The following CADM2 variants were observed in gnomAD, a reference collection of about 807,000 sequenced individuals.
The protein encoded by CADM2 is cell adhesion molecule 2, also known as immunoglobulin superfamily member 4D.
In CADM2, 12 loss-of-function variants were observed where a neutral mutation model predicts 49.8. The observed-to-expected ratio is 0.24, with a 90% CI of 0.15 to 0.39. The LOEUF is 0.39. Ranked by LOEUF, CADM2 falls within the 10% of genes least tolerant of loss-of-function variation. CADM2 has a pLI of 1.00. For synonymous variants in CADM2, 214 were observed against 175.4 expected (o/e 1.22, Z -1.74); for missense variants, 378 against 492.3 (o/e 0.77, Z 2.20).
chr3:85,716,814 G>C (rs530413560), intron 1 of CADM2, among the ~76,000 whole-genome samples: 1 of 152,192 alleles, frequency 6.6e-6, no homozygotes, highest in East Asian at 1.9e-4. Context: ...ATAGATGCAT[G>C]GTGCAATTTC....
At chr3:85,270,897 TC>T (rs1416220710) in intron 1 of CADM2, among the ~76,000 whole-genome samples, 5 of 151,460 alleles carry the variant, frequency 3.3e-5, no homozygotes, top group African/African-American at 9.7e-5. Context: ...GCATATTTCT[TC>T]AATGAGTATA....
chr3:85,889,859 AG>A (rs1714185210), intron 5 of CADM2, among the ~76,000 whole-genome samples: 2 of 152,174 alleles, frequency 1.3e-5, no homozygotes, highest in African/African-American at 4.8e-5. Context: ...AAGACATAAC[AG>A]GCACAGGTAT....
intron 1 of CADM2, among the ~76,000 whole-genome samples, chr3:85,355,071 A>G (rs534217911): frequency 6.6e-6 from 1 of 152,156 alleles, no homozygotes; most frequent in East Asian, 1.9e-4. Flanking sequence ...AAGGTAAGGT[A>G]GAGGTTGCAA....
chr3:85,557,907 A>G (rs556883729), intron 1 of CADM2, among the ~76,000 whole-genome samples: 1 of 152,186 alleles, frequency 6.6e-6, no homozygotes, highest in African/African-American at 2.4e-5. Flanking sequence ...TCAAAATTCA[A>G]TTTCATGCTT....
At chr3:85,732,053 G>C (rs1056430883) in intron 2 of CADM2, among the ~76,000 whole-genome samples, 1 of 147,180 alleles carries the variant, frequency 6.8e-6, no homozygotes, top group Non-Finnish European at 1.5e-5. Flanking sequence ...ATCAAGACCA[G>C]GCTGGCCAAC....
chr3:85,373,786 C>T (rs2033420826), intron 1 of CADM2, among the ~76,000 whole-genome samples: 1 of 152,168 alleles, frequency 6.6e-6, no homozygotes, highest in African/African-American at 2.4e-5. Flanking sequence ...AGGGCCTGCA[C>T]CCTTTGAAGC....
chr3:85,058,353 C>A (rs1201900075), intron 1 of CADM2, among the ~76,000 whole-genome samples: 1 of 152,000 alleles, frequency 6.6e-6, no homozygotes, highest in African/African-American at 2.4e-5. Flanking sequence ...ATATATATAT[C>A]TACTTTTGAG....
At chr3:85,798,826 A>G (rs753893546) in intron 2 of CADM2, among the ~76,000 whole-genome samples, 14 of 152,136 alleles carry the variant, frequency 9.2e-5, no homozygotes, top group Non-Finnish European at 1.9e-4. Context: ...TGGTAGCTTG[A>G]TGGGGATGGC....
At chr3:85,290,822 A>C (rs1223213317) in intron 1 of CADM2, among the ~76,000 whole-genome samples, 1 of 152,178 alleles carries the variant, frequency 6.6e-6, no homozygotes, top group Non-Finnish European at 1.5e-5. Context: ...AGTAGATAAA[A>C]CCACAAAGAT....
At chr3:85,102,955 T>A (rs188973302) in intron 1 of CADM2, among the ~76,000 whole-genome samples, 46 of 152,264 alleles carry the variant, frequency 3.0e-4, no homozygotes, top group Middle Eastern at 3.4e-3. Context: ...AGACACATTT[T>A]TGAATAGCTA....
rs933220954 is a variant in CADM2, at chr3:86,070,953, A to C, written c.*4170A>C. 4.6e-5 allele frequency: 7 copies of C among 151,908 alleles called. No individual in the cohort carries two copies. The highest frequency in any genetic ancestry group is 1.0e-4 in the Non-Finnish European group (7 of 67,798). 9.4% of individuals were successfully genotyped at this position (151,908 alleles called of 1,614,324 possible). Reference sequence around the variant, plus strand: ...AGTTCTATTGCTGGATACTTAATGCAAAGGGATTTTAAAGAATTCTTCAGC... The same window carrying C: ...AGTTCTATTGCTGGATACTTAATGCCAAGGGATTTTAAAGAATTCTTCAGC... On this transcript the variant is annotated 3_prime_UTR_variant, in exon 10 of 10. Coordinates refer to ENST00000383699, the MANE Select transcript of CADM2 (RefSeq NM_001167675.2).
At chr3:85,004,697 CAGG>C (rs1449178786) in intron 1 of CADM2, among the ~76,000 whole-genome samples, 1 of 152,112 alleles carries the variant, frequency 6.6e-6, no homozygotes, top group Non-Finnish European at 1.5e-5. Context: ...GGCCCCGAAG[CAGG>C]AGAAGAATTT....
At chr3:85,442,339 C>A (rs1274187746) in intron 1 of CADM2, among the ~76,000 whole-genome samples, 1 of 151,798 alleles carries the variant, frequency 6.6e-6, no homozygotes, top group Non-Finnish European at 1.5e-5. Flanking sequence ...ATAATTTACA[C>A]AAATGTATAC....
chr3:85,718,927 T>A (rs1577155952), intron 1 of CADM2, among the ~76,000 whole-genome samples: 1 of 123,874 alleles, frequency 8.1e-6, no homozygotes, highest in Non-Finnish European at 1.7e-5. Context: ...TATTATTATT[T>A]TGAGACAGAG....
intron 1 of CADM2, among the ~76,000 whole-genome samples, chr3:85,133,557 CCACTGGTGTATTTACA>C (rs538021190): frequency 0.028 from 4,205 of 150,896 alleles, 202 homozygotes; most frequent in African/African-American, 0.097. Flanking sequence ...TACAGAGTGC[CCACTGGTGTATTTACA>C]ATCCCTGAGC....
chr3:85,187,139 C>G (rs1279020817), intron 1 of CADM2, among the ~76,000 whole-genome samples: 2 of 152,046 alleles, frequency 1.3e-5, no homozygotes, highest in East Asian at 3.9e-4. Context: ...TTACATTGTT[C>G]AATATCACAC....
At chr3:85,363,563 A>G (rs989575735) in intron 1 of CADM2, among the ~76,000 whole-genome samples, 1 of 152,122 alleles carries the variant, frequency 6.6e-6, no homozygotes, top group Non-Finnish European at 1.5e-5. Flanking sequence ...ACTTTCCACT[A>G]TTTATTATGT....
rs186479781 is a variant in CADM2 at position 85,784,744 on chromosome 3, T to C, written c.89-17303T>C. 6.1e-4 allele frequency among the ~76,000 whole-genome samples: 93 copies of C among 152,310 alleles called. 1 individual carries two copies. The highest frequency in any genetic ancestry group is 6.8e-3 in the Middle Eastern group (2 of 294). On this transcript the variant is annotated intron_variant, in intron 2 of 9. Coordinates refer to ENST00000383699, the MANE Select transcript of CADM2 (RefSeq NM_001167675.2). ...CATCAGAGATATTAGCCTGTAGTTTTTGCCTTTGTGTGTGTGTTTCTGCCT... is the reference window on the plus strand; with the variant it reads ...CATCAGAGATATTAGCCTGTAGTTTCTGCCTTTGTGTGTGTGTTTCTGCCT...
intron 1 of CADM2, among the ~76,000 whole-genome samples, chr3:85,128,065 C>T (rs1028187097): frequency 2.6e-5 from 4 of 152,058 alleles, no homozygotes; most frequent in Non-Finnish European, 4.4e-5. Context: ...AGATAGAGAA[C>T]ATTTCCATTA....
Sources: gnomAD v4.1 joint callset for allele counts (sites outside exome capture counted in the v4.1 genomes callset) on GRCh38, gnomAD v4.1.1 for gene constraint, MANE v1.5 for transcripts, NCBI Gene and HGNC (gene_info 2026-07-23, HGNC 2026-07-21) for gene names.